Variants in INTS3 observed in about 807,000 individuals in gnomAD.
The protein encoded by INTS3 is integrator complex subunit 3.
INTS3 carries 34 observed loss-of-function variants against 146.3 expected under a neutral mutation model. The ratio of observed to expected loss-of-function variants is 0.23; its 90% CI spans 0.18 to 0.31. INTS3 has a LOEUF of 0.31. Ranked by LOEUF, INTS3 falls within the 10% of genes least tolerant of loss-of-function variation. The probability of loss-of-function intolerance (pLI) is 1.00; values close to 1 mark genes in which losing one functional copy is unlikely to be tolerated. For synonymous variants in INTS3, 475 were observed against 494.9 expected (o/e 0.96, Z 0.53); for missense variants, 757 against 1,304.2 (o/e 0.58, Z 6.46).
At chr1:153,732,245 T>C (rs1386671988) in intron 1 of INTS3, among the ~76,000 whole-genome samples, 1 of 152,092 alleles carries the variant, frequency 6.6e-6, no homozygotes, top group Non-Finnish European at 1.5e-5. Context: ...GGGTTGCATT[T>C]GGTTAGAGGT....
intron 25 of INTS3, among the ~76,000 whole-genome samples, chr1:153,771,031 C>T (rs1247091813): frequency 3.9e-5 from 6 of 151,968 alleles, no homozygotes; most frequent in Non-Finnish European, 7.4e-5. Context: ...TCCTGCTCCC[C>T]GCCGCGCCCC....
intron 13 of INTS3, chr1:153,761,339 G>C: frequency 2.0e-6 from 1 of 499,160 alleles, no homozygotes; most frequent in South Asian, 2.9e-5. Context: ...GGCAAAACCC[G>C]TGTCTACTAA....
chr1:153,770,797 A>G (rs1055453576), intron 25 of INTS3, 64 bp downstream of exon 25: 2 of 1,304,508 alleles, frequency 1.5e-6, no homozygotes, highest in African/African-American at 1.5e-5. Context: ...GCTGTGGTCT[A>G]AAGGGCTTCT....
At chr1:153,773,152 C>T (rs1444244835) in intron 29 of INTS3, 41 bp from the exon 30 acceptor site, 3 of 1,613,386 alleles carry the variant, frequency 1.9e-6, no homozygotes, top group Admixed American at 3.3e-5. Context: ...CAGCAGCTGC[C>T]CAGGCTGTTA....
chr1:153,751,433 A>G (rs1671953995), intron 7 of INTS3, among the ~76,000 whole-genome samples, 194 bp downstream of exon 7: 3 of 152,148 alleles, frequency 2.0e-5, no homozygotes, highest in Admixed American at 1.3e-4. Context: ...ATTCCTAGAA[A>G]TGCTACCTGT....
intron 1 of INTS3, among the ~76,000 whole-genome samples, chr1:153,735,586 T>G (rs533753712): frequency 1.3e-5 from 2 of 152,206 alleles, no homozygotes; most frequent in South Asian, 4.1e-4. Context: ...GTGCCACTCC[T>G]TGTTCACCAT....
chr1:153,747,893 C>A (rs764321680), intron 5 of INTS3: 17 of 161,050 alleles, frequency 1.1e-4, no homozygotes, highest in Non-Finnish European at 1.9e-4. Context: ...TGAGCTATCG[C>A]ATATTCAAGC....
chr1:153,773,116 G>A (rs1183928750), intron 29 of INTS3, 35 bp downstream of exon 29: 1 of 1,613,962 alleles, frequency 6.2e-7, no homozygotes, highest in African/African-American at 1.3e-5. Flanking sequence ...GGGAAAAGGA[G>A]CACTGGGTGC....
At chr1:153,760,081 CT>C in intron 11 of INTS3, 2 of 578,156 alleles carry the variant, frequency 3.5e-6, no homozygotes, top group East Asian at 2.8e-5. Flanking sequence ...AACAGACTGA[CT>C]TTAGCCTGGC....
At chr1:153,745,328 T>TGTATTTTTA (rs911866645) in intron 3 of INTS3, among the ~76,000 whole-genome samples, 1 of 152,016 alleles carries the variant, frequency 6.6e-6, no homozygotes, top group African/African-American at 2.4e-5. Flanking sequence ...AGCTAATTTT[T>TGTATTTTTA]GTATTTTTAG....
chr1:153,747,417 A>G, intron 5 of INTS3, 54 bp downstream of exon 5: 3 of 1,311,636 alleles, frequency 2.3e-6, no homozygotes, highest in East Asian at 4.6e-5. Flanking sequence ...CAGAGACTAC[A>G]TAGAGACAAT....
rs1384917413 is a variant in INTS3, at chr1:153,753,469, A to G, written c.859+1061A>G. Among the ~76,000 whole-genome samples the G allele has an allele frequency of 2.0e-5, 3 of 151,714 alleles. No individual in the cohort carries two copies. The East Asian group carries it at 6.0e-4, about 30-fold the overall frequency. ...CTACTCGGGAGGCTGAGGCAAGAGAATCGCTTGAACCCAGGAGGTGGAGTT... is the reference window on the plus strand; with the variant it reads ...CTACTCGGGAGGCTGAGGCAAGAGAGTCGCTTGAACCCAGGAGGTGGAGTT... On this transcript the variant is annotated intron_variant, in intron 8 of 29. Coordinates refer to ENST00000318967, the MANE Select transcript of INTS3 (RefSeq NM_023015.5).
intron 1 of INTS3, among the ~76,000 whole-genome samples, chr1:153,736,012 G>A (rs146215426): frequency 6.6e-6 from 1 of 152,254 alleles, no homozygotes; most frequent in African/African-American, 2.4e-5. Flanking sequence ...GATTACAGGC[G>A]TGAGCCACTG....
intron 15 of INTS3, 119 bp downstream of exon 15, chr1:153,762,966 C>A: frequency 7.4e-7 from 1 of 1,345,440 alleles, no homozygotes; most frequent in Non-Finnish European, 1.0e-6. Context: ...AAGTTTTGTT[C>A]ACAGGGTATC....
rs565582061 is a variant in INTS3, at chr1:153,773,063, G to A, written c.3033G>A (p.Ser1011=). The A allele has an allele frequency of 2.0e-3, 3,246 of 1,614,100 alleles. 83 individuals carry two copies. In the South Asian group the frequency reaches 0.033, roughly 16 times the overall value. The change falls in exon 29 of 30, where the codon TCG becomes TCA. Residue 1011 remains serine (S), a synonymous_variant. Transcript: ENST00000318967. ...ATQPPNAEEE[S]GSSSASEEED... is the part of the protein sequence containing the mutation. ...AGCCCCCCAATGCCGAAGAAGAGTCGGGCTCCAGCAGTGCTTCAGTGAGAA... is the reference window on the plus strand; with the variant it reads ...AGCCCCCCAATGCCGAAGAAGAGTCAGGCTCCAGCAGTGCTTCAGTGAGAA...
intron 13 of INTS3, 65 bp from the exon 14 acceptor site, chr1:153,761,505 T>A: frequency 8.4e-7 from 1 of 1,189,354 alleles, no homozygotes; most frequent in African/African-American, 1.5e-5. Context: ...AGTGACACTC[T>A]GTCTCAAAAA....
At chr1:153,764,649 C>G (rs774733453) in intron 18 of INTS3, 41 bp from the exon 19 acceptor site, 2 of 1,474,616 alleles carry the variant, frequency 1.4e-6, no homozygotes, top group Non-Finnish European at 1.9e-6. Flanking sequence ...TGCCAGCAGC[C>G]CCCCTCACAT....
chr1:153,730,298 T>C (rs1671015295), intron 1 of INTS3, among the ~76,000 whole-genome samples: 1 of 152,236 alleles, frequency 6.6e-6, no homozygotes, highest in South Asian at 2.1e-4. Context: ...TAATTATGAA[T>C]GTGAACAATG....
In INTS3 at chr1:153,728,420, C is replaced by CTT. The variant is rs1670939603; in HGVS notation, c.-215_-214insTT. ...GCCAACGCCTTTCCCTCAGCACTGC[C>CTT]ACCCCAGAGTCAGGACCCAGAGGAC... On this transcript the variant is annotated 5_prime_UTR_variant, in exon 1 of 30. Coordinates refer to ENST00000318967, the MANE Select transcript of INTS3 (RefSeq NM_023015.5). The CTT allele has an allele frequency of 5.6e-6, 3 of 533,568 alleles. No individual in the cohort carries two copies. The African/African-American group carries it at 6.0e-5, about 11-fold the overall frequency. The allele number at this position is 533,568 out of a possible 1,614,324, so 33.1% of individuals were successfully genotyped here. A position where few individuals can be genotyped will look rare whatever the true frequency, so the allele number is the denominator to read the frequency against.
Sources: allele counts gnomAD v4.1 joint callset (sites outside exome capture counted in the v4.1 genomes callset), GRCh38; gene constraint gnomAD v4.1.1; transcripts MANE v1.5; gene names NCBI Gene and HGNC (gene_info 2026-07-23, HGNC 2026-07-21).